RUNX1T1: variants seen among roughly 807,000 people sequenced by gnomAD.
RUNX1T1 encodes the protein RUNX1 partner transcriptional co-repressor 1.
Under a neutral mutation model 62.8 loss-of-function variants are expected in RUNX1T1, and 4 were observed. The ratio of observed to expected loss-of-function variants is 0.06; its 90% confidence interval spans 0.03 to 0.15. RUNX1T1 has a LOEUF of 0.15. Among genes scored for constraint, RUNX1T1 ranks in the 10% least tolerant of loss-of-function variants. RUNX1T1 has a pLI of 1.00. For synonymous variants in RUNX1T1, 291 were observed against 286.0 expected (o/e 1.02, Z -0.18); for missense variants, 508 against 754.3 (o/e 0.67, Z 3.82).
chr8:91,986,014 A>G (rs1339519142), intron 8 of RUNX1T1, 110 bp downstream of exon 9: 1 of 818,048 alleles, frequency 1.2e-6, no homozygotes, highest in Non-Finnish European at 2.1e-6. Context: ...TAAATTGTTT[A>G]TTGTCTTAAA....
intron 1 of RUNX1T1, among the ~76,000 whole-genome samples, chr8:92,091,501 T>G (rs1304323714): frequency 6.6e-6 from 1 of 152,142 alleles, no homozygotes; most frequent in Non-Finnish European, 1.5e-5. Context: ...TATCAACATT[T>G]CAAAAAGAGG....
chr8:92,091,781 T>C (rs1346055539), intron 1 of RUNX1T1, among the ~76,000 whole-genome samples: 2 of 152,214 alleles, frequency 1.3e-5, no homozygotes, highest in Non-Finnish European at 2.9e-5. Flanking sequence ...ACTGCATTCC[T>C]TAAAAGCATA....
intron 8 of RUNX1T1, among the ~76,000 whole-genome samples, chr8:91,979,078 A>G (rs1364006181): frequency 6.6e-6 from 1 of 152,218 alleles, no homozygotes; most frequent in Non-Finnish European, 1.5e-5. Context: ...AGTGTACTTG[A>G]TAAACATCAG....
intron 1 of RUNX1T1, among the ~76,000 whole-genome samples, chr8:92,079,353 A>T (rs2130802599): frequency 6.6e-6 from 1 of 152,302 alleles, no homozygotes; most frequent in South Asian, 2.1e-4. Flanking sequence ...TGACTTAGGA[A>T]ATATTACCTT....
intron 4 of RUNX1T1, chr8:92,010,098 T>C (rs961773414): frequency 2.5e-4 from 38 of 152,222 alleles, no homozygotes; most frequent in Admixed American, 2.0e-3. Context: ...TGATCAGTTA[T>C]ATTTCTGGTG....
downstream of RUNX1T1, chr8:91,955,110 TATA>T (rs1317192209): frequency 9.4e-6 from 2 of 213,200 alleles, no homozygotes; most frequent in Non-Finnish European, 9.5e-6. Flanking sequence ...CACATACTTT[TATA>T]ATGTTATCAA....
intron 1 of RUNX1T1, among the ~76,000 whole-genome samples, chr8:92,019,769 C>G (rs1474225806): frequency 6.6e-6 from 1 of 152,012 alleles, no homozygotes. Context: ...TATCTTCTTC[C>G]CAATTTTAGA....
exon 11 of RUNX1T1, chr8:91,959,451 T>TGTGTGTGTGTATATGTGC: frequency 8.2e-6 from 1 of 122,002 alleles, no homozygotes. Context: ...TGTGTGTGTG[T>TGTGTGTGTGTATATGTGC]GTGTGTGTGT....
chr8:92,009,600 T>TG (rs1292511907), intron 4 of RUNX1T1: 1 of 149,456 alleles, frequency 6.7e-6, no homozygotes, highest in Non-Finnish European at 1.5e-5. Flanking sequence ...TTCTTCTTCT[T>TG]TTTTTTTTTT....
At chr8:91,959,457 T>G in exon 11 of RUNX1T1, 1 of 140,886 alleles carries the variant, frequency 7.1e-6, no homozygotes, top group Non-Finnish European at 1.3e-5. Context: ...TGTGTGTGTG[T>G]GTGTGTGTGT....
chr8:92,029,808 AT>A (rs554403634), intron 1 of RUNX1T1, among the ~76,000 whole-genome samples: 2 of 151,912 alleles, frequency 1.3e-5, no homozygotes, highest in African/African-American at 2.4e-5. Context: ...TGTTTCACTC[AT>A]TTTTTTTAAA....
intron 10 of RUNX1T1, 51 bp downstream of exon 11, chr8:91,970,607 C>G: frequency 6.8e-7 from 1 of 1,468,526 alleles, no homozygotes. Context: ...AATGAGCACT[C>G]TAATGAATGA....
intron 1 of RUNX1T1, among the ~76,000 whole-genome samples, chr8:92,028,401 C>T (rs1199560188): frequency 6.6e-6 from 1 of 152,104 alleles, no homozygotes; most frequent in Non-Finnish European, 1.5e-5. Flanking sequence ...TCAGAAATGT[C>T]ATCCCTCCCA....
chr8:91,977,511 C>T (rs1814232228), intron 8 of RUNX1T1: 1 of 191,150 alleles, frequency 5.2e-6, no homozygotes, highest in African/African-American at 2.3e-5. Flanking sequence ...TTAGATTTAT[C>T]AAGATTATCT....
At chr8:92,087,407 A>C (rs1358987116) in intron 1 of RUNX1T1, among the ~76,000 whole-genome samples, 3 of 151,874 alleles carry the variant, frequency 2.0e-5, no homozygotes, top group Non-Finnish European at 4.4e-5. Flanking sequence ...AGTCTTTTCC[A>C]CATCTAGGCT....
intron 1 of RUNX1T1, chr8:92,095,476 A>G (rs1195514719): frequency 6.5e-7 from 1 of 1,531,916 alleles, no homozygotes; most frequent in Non-Finnish European, 8.7e-7. Context: ...ATTGTGTGTG[A>G]GTGAGTGTGT....
chr8:92,073,660 A>G (rs1461373251), intron 2 of RUNX1T1, among the ~76,000 whole-genome samples: 2 of 152,160 alleles, frequency 1.3e-5, no homozygotes, highest in African/African-American at 4.8e-5. Flanking sequence ...ATTATTACAA[A>G]GAGGAAAAAA....
chr8:91,983,168 C>T (rs1226850712), intron 8 of RUNX1T1, among the ~76,000 whole-genome samples: 1 of 151,714 alleles, frequency 6.6e-6, no homozygotes, highest in Admixed American at 6.6e-5. Flanking sequence ...CCCCCGACCT[C>T]GTGATCCGTC....
chr8:92,094,220 CT>C (rs1163330494), intron 1 of RUNX1T1, among the ~76,000 whole-genome samples: 2 of 152,178 alleles, frequency 1.3e-5, no homozygotes, highest in African/African-American at 2.4e-5. Flanking sequence ...ACATGCCCCC[CT>C]GGCTTTAAAC....
Sources: allele counts gnomAD v4.1 joint callset (sites outside exome capture counted in the v4.1 genomes callset), GRCh38; gene constraint gnomAD v4.1.1; transcripts MANE v1.5; gene names NCBI Gene and HGNC (gene_info 2026-07-23, HGNC 2026-07-21).